PDK1: variants seen among roughly 807,000 people sequenced by gnomAD.
PDK1 encodes the protein pyruvate dehydrogenase kinase 1.
PDK1 carries 39 observed loss-of-function variants against 54.2 expected under a neutral mutation model. The observed-to-expected ratio is 0.72, with a 90% CI of 0.56 to 0.94. The LOEUF (loss-of-function observed/expected upper bound fraction) is 0.94. Among genes scored for constraint, PDK1 ranks in the 40% least tolerant of loss-of-function variants. The pLI is 0.00. For synonymous variants in PDK1, 221 were observed against 207.1 expected, an observed-to-expected ratio of 1.07 and a Z score of -0.58; for missense variants, 552 against 566.0, an observed-to-expected ratio of 0.98 and a Z score of 0.25.
the PDK1 span, among the ~76,000 whole-genome samples, chr2:172,664,439 A>G: frequency 1.4e-5 from 2 of 147,024 alleles, no homozygotes; most frequent in East Asian, 2.1e-4. Flanking sequence ...TGAGAGTTTC[A>G]TTCATTCATT....
chr2:172,679,981 C>G, the PDK1 span, among the ~76,000 whole-genome samples: 1 of 152,146 alleles, frequency 6.6e-6, no homozygotes, highest in East Asian at 1.9e-4. Flanking sequence ...TTCAGAGACA[C>G]AAGAAATACC....
At chr2:172,622,769 G>GATGTTTATATCTCATATGTGAGAT in the PDK1 span, among the ~76,000 whole-genome samples, 1 of 146,420 alleles carries the variant, frequency 6.8e-6, no homozygotes, top group East Asian at 2.0e-4. Context: ...CATTATGTGA[G>GATGTTTATATCTCATATGTGAGAT]ATGTTTATAT....
Position 172,602,017 on chromosome 2 carries a change from C to T in PDK1, c.*6048C>T, listed in dbSNP as rs1249238452. 1 of 152,120 alleles carries T rather than the reference C, an allele frequency of 6.6e-6. No homozygotes were observed. Among genetic ancestry groups the T allele is most frequent in the African/African-American group, 2.4e-5 (1 of 41,420 alleles). 9.4% of individuals were successfully genotyped at this position (152,120 alleles called of 1,614,324 possible). ...AAATCAACCACTAAGGAAGTGGAAT[C>T]AGTAATCACAAGTCCACCTCGCCAA... On this transcript the variant is annotated 3_prime_UTR_variant, in exon 11 of 11. Transcript: ENST00000282077.
chr2:172,658,709 T>C, the PDK1 span, among the ~76,000 whole-genome samples: 1 of 152,172 alleles, frequency 6.6e-6, no homozygotes, highest in South Asian at 2.1e-4. Flanking sequence ...AAATGGCCGC[T>C]CTGAGAGTAT....
chr2:172,594,019 C>T (rs550162284), intron 10 of PDK1, among the ~76,000 whole-genome samples: 1 of 150,380 alleles, frequency 6.6e-6, no homozygotes, highest in Admixed American at 6.6e-5. Flanking sequence ...AAAAGGGCAA[C>T]ATCAATGCAA....
At chr2:172,564,003 C>A (rs1386393210) in intron 3 of PDK1, 1 of 471,076 alleles carries the variant, frequency 2.1e-6, no homozygotes, top group Admixed American at 2.3e-5. Flanking sequence ...AATGAGAATT[C>A]TTTTCTGTTT....
the PDK1 span, among the ~76,000 whole-genome samples, chr2:172,658,165 T>A: frequency 5.8e-4 from 88 of 152,242 alleles, no homozygotes; most frequent in Middle Eastern, 0.01. Context: ...AGGCTCCACC[T>A]CCAACACTGG....
At chr2:172,660,193 AATTAACATGTCAGTG>A in the PDK1 span, among the ~76,000 whole-genome samples, 2 of 146,560 alleles carry the variant, frequency 1.4e-5, no homozygotes, top group Admixed American at 1.4e-4. Context: ...GATGGTTTGT[AATTAACATGTCAGTG>A]TATCGATCTA....
chr2:172,577,009 C>T (rs1351560845), intron 8 of PDK1, among the ~76,000 whole-genome samples: 1 of 152,102 alleles, frequency 6.6e-6, no homozygotes, highest in Non-Finnish European at 1.5e-5. Flanking sequence ...CCTTGTTGAT[C>T]TTGTAATTGT....
chr2:172,564,419 C>A, intron 3 of PDK1, 84 bp from the exon 4 acceptor site: 3 of 1,060,004 alleles, frequency 2.8e-6, no homozygotes, highest in Non-Finnish European at 4.2e-6. Context: ...GATTTTTTGT[C>A]TAGCATAGTT....
chr2:172,645,137 C>T, the PDK1 span, among the ~76,000 whole-genome samples: 23 of 152,002 alleles, frequency 1.5e-4, no homozygotes, highest in South Asian at 4.8e-3. Flanking sequence ...AGTATTTACA[C>T]TACAGAAATC....
the PDK1 span, among the ~76,000 whole-genome samples, chr2:172,703,363 C>T: frequency 1.3e-5 from 2 of 152,104 alleles, no homozygotes; most frequent in Admixed American, 1.3e-4. Context: ...TTTAAGCCAC[C>T]GAGTTTCTAG....
the PDK1 span, among the ~76,000 whole-genome samples, chr2:172,646,535 G>A: frequency 6.6e-6 from 1 of 151,692 alleles, no homozygotes; most frequent in Non-Finnish European, 1.5e-5. Context: ...TGATGCAGTT[G>A]CTTCAGGTAG....
the PDK1 span, among the ~76,000 whole-genome samples, chr2:172,712,664 G>C: frequency 2.0e-5 from 3 of 152,164 alleles, no homozygotes; most frequent in African/African-American, 7.2e-5. Flanking sequence ...GAGATACCAG[G>C]AACCACAGAG....
the PDK1 span, among the ~76,000 whole-genome samples, chr2:172,683,216 A>G: frequency 0.17 from 26,522 of 151,854 alleles, 2,642 homozygotes; most frequent in African/African-American, 0.27. Context: ...GCGTGGTGGC[A>G]GGCGCCTATA....
the PDK1 span, among the ~76,000 whole-genome samples, chr2:172,665,798 G>A: frequency 5.3e-5 from 8 of 152,164 alleles, no homozygotes; most frequent in South Asian, 2.1e-4. Context: ...AGCAGCAATC[G>A]ATGGGGTGGG....
the PDK1 span, among the ~76,000 whole-genome samples, chr2:172,624,594 T>C: frequency 2.0e-5 from 3 of 152,154 alleles, no homozygotes; most frequent in Non-Finnish European, 2.9e-5. Flanking sequence ...TGGGAACTGC[T>C]ACACTAGAGA....
the PDK1 span, chr2:172,674,345 G>A: frequency 6.6e-6 from 1 of 152,376 alleles, no homozygotes; most frequent in African/African-American, 2.4e-5. Context: ...CTTGGCTGGG[G>A]CTCGGGACTG....
At chr2:172,703,520 A>G in the PDK1 span, among the ~76,000 whole-genome samples, 36 of 152,148 alleles carry the variant, frequency 2.4e-4, no homozygotes, top group Admixed American at 4.6e-4. Flanking sequence ...GAGACTCACA[A>G]TCTGCTATCA....
Sources: allele counts gnomAD v4.1 joint callset (sites outside exome capture counted in the v4.1 genomes callset), GRCh38; gene constraint gnomAD v4.1.1; transcripts MANE v1.5; gene names NCBI Gene and HGNC (gene_info 2026-07-23, HGNC 2026-07-21).